Variants in SLCO1B3 observed in about 807,000 individuals in gnomAD.
SLCO1B3 encodes solute carrier organic anion transporter family member 1B3.
In SLCO1B3, 72 loss-of-function variants were observed where a neutral mutation model predicts 71.8. The observed-to-expected ratio is 1.00, with a 90% CI of 0.83 to 1.22. The LOEUF (loss-of-function observed/expected upper bound fraction) is 1.22. SLCO1B3 is among the 50% of genes most tolerant of loss of function. The pLI is 0.00. For missense variants in SLCO1B3, 911 were observed against 819.7 expected (o/e 1.11, Z -1.36); for synonymous variants, 298 against 278.4 (o/e 1.07, Z -0.70).
chr12:20,859,675 T>C (rs1490454115), intron 5 of SLCO1B3, among the ~76,000 whole-genome samples: 1 of 152,126 alleles, frequency 6.6e-6, no homozygotes. Context: ...TAATATCTTA[T>C]TCTTCATTAT....
chr12:20,904,855 C>A (rs1866208341), intron 15 of SLCO1B3, among the ~76,000 whole-genome samples: 1 of 148,388 alleles, frequency 6.7e-6, no homozygotes, highest in African/African-American at 2.5e-5. Flanking sequence ...CTTCCCGTAA[C>A]CACCGCCTCC....
intron 15 of SLCO1B3, 102 bp downstream of exon 15, chr12:20,901,569 A>G: frequency 1.6e-6 from 1 of 611,746 alleles, no homozygotes; most frequent in Admixed American, 3.1e-5. Flanking sequence ...AATGATAGCT[A>G]CCATTTAGTG....
At chr12:20,873,162 C>T (rs895117103) in intron 8 of SLCO1B3, among the ~76,000 whole-genome samples, 1 of 152,156 alleles carries the variant, frequency 6.6e-6, no homozygotes, top group Non-Finnish European at 1.5e-5. Context: ...TTGGCAAGTG[C>T]CCATGTGCTA....
intron 3 of SLCO1B3, among the ~76,000 whole-genome samples, chr12:20,824,087 A>T (rs1864373461): frequency 6.6e-6 from 1 of 152,368 alleles, no homozygotes; most frequent in South Asian, 2.1e-4. Flanking sequence ...TGGAGAAATT[A>T]GGTTGAGAGA....
At chr12:20,890,860 G>C (rs1402903382) in intron 13 of SLCO1B3, among the ~76,000 whole-genome samples, 3 of 152,046 alleles carry the variant, frequency 2.0e-5, no homozygotes, top group African/African-American at 7.2e-5. Flanking sequence ...TATTTTCATA[G>C]AATGTCTTTT....
chr12:20,833,836 T>G (rs1002727503), intron 3 of SLCO1B3, among the ~76,000 whole-genome samples: 4 of 147,068 alleles, frequency 2.7e-5, no homozygotes, highest in Non-Finnish European at 4.5e-5. Flanking sequence ...ACACACAGTT[T>G]GTGTTTAAAT....
At chr12:20,860,597 CTTTGTG>C (rs1181569628) in intron 5 of SLCO1B3, among the ~76,000 whole-genome samples, 410 of 80,204 alleles carry the variant, frequency 5.1e-3, no homozygotes, top group African/African-American at 0.017. Flanking sequence ...AAGTCAAGCA[CTTTGTG>C]TGTGTGTGTG....
intron 13 of SLCO1B3, among the ~76,000 whole-genome samples, chr12:20,898,221 C>T (rs1452331120): frequency 6.6e-6 from 1 of 152,044 alleles, no homozygotes; most frequent in East Asian, 1.9e-4. Flanking sequence ...GCCTTGAAAT[C>T]ATAAAGCATT....
chr12:20,824,823 A>G (rs887228069), intron 3 of SLCO1B3, among the ~76,000 whole-genome samples: 1 of 152,206 alleles, frequency 6.6e-6, no homozygotes, highest in Non-Finnish European at 1.5e-5. Flanking sequence ...TATGAAGTCA[A>G]AGTACTAATT....
rs925715509 is a variant in SLCO1B3, at chr12:20,886,881, A to C, written c.1682+3279A>C. On this transcript the variant is annotated intron_variant, in intron 13 of 15. Transcript: ENST00000381545. ...CTCCCACTCCCTTCCACCCTCCCAC[A>C]CTTTAGGGTCTCCAATGTCAATTAT... Among the ~76,000 whole-genome samples the C allele has an allele frequency of 3.9e-5, 6 of 151,914 alleles. No individual in the cohort carries two copies. The East Asian group carries it at 1.2e-3, about 29-fold the overall frequency.
chr12:20,876,445 A>G (rs1425622892), intron 9 of SLCO1B3, among the ~76,000 whole-genome samples: 7 of 152,312 alleles, frequency 4.6e-5, no homozygotes, highest in Non-Finnish European at 1.0e-4. Flanking sequence ...CAAACTTTCC[A>G]AAGTAACCCA....
chr12:20,833,524 T>G (rs1483171873), intron 3 of SLCO1B3, among the ~76,000 whole-genome samples: 1 of 146,564 alleles, frequency 6.8e-6, no homozygotes, highest in Admixed American at 6.9e-5. Flanking sequence ...TGTATATACA[T>G]ATATAGTTTA....
At chr12:20,901,248 A>C (rs1866125967) in intron 14 of SLCO1B3, 102 bp from the exon 15 acceptor site, 1 of 799,270 alleles carries the variant, frequency 1.3e-6, no homozygotes, top group African/African-American at 1.8e-5. Context: ...ATTTTCCAAA[A>C]CTTTAAACTT....
chr12:20,901,968 T>C (rs922712015), intron 15 of SLCO1B3: 2 of 415,742 alleles, frequency 4.8e-6, no homozygotes, highest in East Asian at 8.0e-5. Context: ...CTGCTGCAAT[T>C]GTACCTTACC....
At position 20,900,630 on chromosome 12, in the gene SLCO1B3, CAG is replaced by C. The variant is rs1188918559; in HGVS notation, c.1748-718_1748-717del. Reference sequence around the variant, plus strand: ...CCATTGTGCACTAACAGACCACTAACAGAAACAAAATTTAGCAACGGAGACCC... The same window carrying C: ...CCATTGTGCACTAACAGACCACTAACAAACAAAATTTAGCAACGGAGACCC... On this transcript the variant is annotated intron_variant, in intron 14 of 15. Transcript: ENST00000381545. 2.0e-5 allele frequency among the ~76,000 whole-genome samples: 3 copies of C among 152,262 alleles called. No individual in the cohort carries two copies. The East Asian group carries it at 5.8e-4, about 29-fold the overall frequency.
chr12:20,862,623 G>T (rs1865290995), intron 7 of SLCO1B3, 65 bp downstream of exon 7: 8 of 1,492,902 alleles, frequency 5.4e-6, no homozygotes, highest in South Asian at 2.5e-5. Context: ...AAATAATAAT[G>T]TCATTATTTT....
chr12:20,901,587 A>T, intron 15 of SLCO1B3, 120 bp downstream of exon 15: 1 of 569,116 alleles, frequency 1.8e-6, no homozygotes, highest in Non-Finnish European at 3.1e-6. Context: ...GTGAACAATT[A>T]CTTTGTATTC....
At chr12:20,835,113 A>G (rs906127701) in intron 3 of SLCO1B3, among the ~76,000 whole-genome samples, 1 of 152,182 alleles carries the variant, frequency 6.6e-6, no homozygotes, top group Non-Finnish European at 1.5e-5. Context: ...GCCACAGTCC[A>G]AGCTGTACCT....
At chr12:20,821,584 G>A (rs1864307759) in intron 3 of SLCO1B3, among the ~76,000 whole-genome samples, 1 of 152,066 alleles carries the variant, frequency 6.6e-6, no homozygotes, top group Admixed American at 6.5e-5. Context: ...GGGGGTTCTT[G>A]CCCCCTAGAA....
Sources: allele counts gnomAD v4.1 joint callset (sites outside exome capture counted in the v4.1 genomes callset), GRCh38; gene constraint gnomAD v4.1.1; transcripts MANE v1.5; gene names NCBI Gene and HGNC (gene_info 2026-07-23, HGNC 2026-07-21).